The following PLEKHG6 variants were observed in gnomAD, a reference collection of about 807,000 sequenced individuals.
PLEKHG6 encodes pleckstrin homology domain-containing family G member 6.
A neutral mutation model predicts 97.5 loss-of-function variants in PLEKHG6; 91 were observed. The observed-to-expected ratio is 0.93, with a 90% CI of 0.79 to 1.11. The LOEUF is 1.11. PLEKHG6 is among the 50% of genes most tolerant of loss of function. The pLI is 0.00. For synonymous variants in PLEKHG6, 466 were observed against 425.5 expected (o/e 1.10, Z -1.17); for missense variants, 1,044 against 1,031.0 (o/e 1.01, Z -0.17).
At chr12:6,313,883 A>G in intron 3 of PLEKHG6, 99 bp downstream of exon 3, 1 of 1,145,318 alleles carries the variant, frequency 8.7e-7, no homozygotes, top group South Asian at 1.6e-5. Context: ...ACACAGGTCC[A>G]GGAGGCTGCT....
In PLEKHG6 at chr12:6,315,164, C is replaced by T. The variant is rs1241379895; in HGVS notation, c.454C>T (p.His152Tyr). 1 of 1,610,356 alleles carries T rather than the reference C, an allele frequency of 6.2e-7. No individual in the cohort carries two copies. Among genetic ancestry groups the T allele is most frequent in the East Asian group, 2.2e-5 (1 of 44,858 alleles). Reference protein sequence around the residue: ...EKSWRELVPGHKEMSQELCHQ... With the variant: ...EKSWRELVPGYKEMSQELCHQ... ...GTCCTGGAGGGAGCTGGTGCCTGGGCACAAGGTGAGCCTGAAACTCACAAG... is the reference window on the plus strand; with the variant it reads ...GTCCTGGAGGGAGCTGGTGCCTGGGTACAAGGTGAGCCTGAAACTCACAAG... Residue 152 changes from histidine to tyrosine, a missense_variant, in exon 4 of 16, where the codon CAC (histidine) becomes TAC (tyrosine). Transcript: ENST00000684764. The surrounding 1 kb of genome is among the most constrained non-coding windows in gnomAD (Gnocchi z 4.5).
At chr12:6,312,111 A>T in intron 1 of PLEKHG6, 48 bp from the exon 2 acceptor site, 1 of 777,556 alleles carries the variant, frequency 1.3e-6, no homozygotes, top group South Asian at 2.5e-5. Flanking sequence ...GCCTGGTGCC[A>T]TTCACTGATT....
rs151135988 is a variant in PLEKHG6, at chr12:6,317,312, C to T, written c.766C>T (p.Arg256Trp). The T allele has an allele frequency of 5.2e-4, 840 of 1,612,362 alleles. No homozygotes were observed. The highest frequency in any genetic ancestry group is 6.4e-4 in the Non-Finnish European group (760 of 1,178,494). The part of the protein sequence containing the change: ...LQSGFLTFGQ[R>W]FHPYVQYCLR... ...GTATCTGTCTCTCCAGTTTGGCCAG[C>T]GGTTCCACCCCTATGTCCAGTACTG... The change falls in exon 8 of 16, where the codon CGG becomes TGG. Residue 256 changes from arginine (R) to tryptophan (W), a missense_variant. Arg to Trp is a moderately radical substitution (Grantham distance 101). Coordinates refer to ENST00000684764, the MANE Select transcript of PLEKHG6 (RefSeq NM_001384598.1).
At chr12:6,318,267 G>T in intron 10 of PLEKHG6, 34 bp from the exon 11 acceptor site, 1 of 1,612,934 alleles carries the variant, frequency 6.2e-7, no homozygotes, top group Non-Finnish European at 8.5e-7. Context: ...GCAGACTGCC[G>T]AGCGCCCTGA....
intron 2 of PLEKHG6, 65 bp from the exon 3 acceptor site, chr12:6,313,564 A>G: frequency 6.3e-7 from 1 of 1,578,314 alleles, no homozygotes; most frequent in East Asian, 2.2e-5. Context: ...CTGCCCCCCT[A>G]CTACCTCTCT....
Position 6,314,899 on chromosome 12 carries a change from C to T in PLEKHG6, c.295-106C>T, listed in dbSNP as rs544478169. The T allele has an allele frequency of 6.7e-6, 7 of 1,042,756 alleles. No individual in the cohort carries two copies. In the East Asian group the frequency reaches 1.7e-4, roughly 25 times the overall value. The allele number at this position is 1,042,756 out of a possible 1,614,324, so 64.6% of individuals were successfully genotyped here. A position where few individuals can be genotyped will look rare whatever the true frequency, so the allele number is the denominator to read the frequency against. On this transcript the variant is annotated intron_variant, in intron 3 of 15. Transcript: ENST00000684764. ...CCATCTCCCATTCCAGACACAGACA[C>T]ACGCACACACTTTAACACACATGCA...
At chr12:6,311,892 G>A (rs1947281625) in intron 1 of PLEKHG6, among the ~76,000 whole-genome samples, 2 of 152,250 alleles carry the variant, frequency 1.3e-5, no homozygotes, top group South Asian at 4.1e-4. Flanking sequence ...TGAGACCAGT[G>A]CAGGAGCTTG....
At position 6,317,667 on chromosome 12, in the gene PLEKHG6, G is replaced by A. The variant is rs1224712132; in HGVS notation, c.988G>A (p.Ala330Thr). ...TGCTGTGCTCAAGAGGAGCCCCGAG[G>A]CACGAGCCCAAGAGGCCCTGAATGC... ...LHAVLKRSPE[A>T]RAQEALNAMI... Residue 330 changes from alanine (A) to threonine (T), a missense_variant, in exon 9 of 16, where the codon GCA (alanine) becomes ACA (threonine). Transcript: ENST00000684764. The A allele has an allele frequency of 1.2e-6, 2 of 1,613,870 alleles. No individual in the cohort carries two copies. The highest frequency in any genetic ancestry group is 1.7e-6 in the Non-Finnish European group (2 of 1,180,028).
chr12:6,327,362 G>T lies in PLEKHG6; in HGVS notation c.1779G>T (p.Leu593Phe), dbSNP rs1947895253. 6.2e-7 allele frequency: 1 copy of T among 1,614,030 alleles called. No individual in the cohort carries two copies. The highest frequency in any genetic ancestry group is 1.7e-5 in the Admixed American group (1 of 59,996). The change falls in exon 15 of 16, where the codon TTG becomes TTT. Residue 593 changes from leucine to phenylalanine, a missense_variant. Transcript: ENST00000684764. ...DDTSDSGYGTLIPGTPTGSRS... is the reference protein window; with the variant it reads ...DDTSDSGYGTFIPGTPTGSRS... ...CCTCAGACTCTGGCTACGGCACTTTGATCCCAGGCACCCCCACGGGGTCCC... is the reference window on the plus strand; with the variant it reads ...CCTCAGACTCTGGCTACGGCACTTTTATCCCAGGCACCCCCACGGGGTCCC...
At chr12:6,313,277 C>T (rs1305922762) in intron 2 of PLEKHG6, 4 of 1,192,656 alleles carry the variant, frequency 3.4e-6, no homozygotes, top group Non-Finnish European at 4.9e-6. Context: ...CACGCCTTGT[C>T]CATGCACCCC....
rs777957354 is a variant in PLEKHG6, at chr12:6,317,695, T to C, written c.1016T>C (p.Met339Thr). 1 of 1,613,162 alleles carries C rather than the reference T, an allele frequency of 6.2e-7. No individual in the cohort carries two copies. Among genetic ancestry groups the C allele is most frequent in the Non-Finnish European group, 8.5e-7 (1 of 1,179,898 alleles). Residue 339 changes from methionine (M) to threonine (T), a missense_variant and splice_region_variant, in exon 9 of 16, where the codon ATG becomes ACG. Transcript: ENST00000684764. ...EARAQEALNA[M>T]IEAVESFLRH... ...CGAGCCCAAGAGGCCCTGAATGCCATGGTAGGTGCCCCAGTGGGGCTGGGA... is the reference window on the plus strand; with the variant it reads ...CGAGCCCAAGAGGCCCTGAATGCCACGGTAGGTGCCCCAGTGGGGCTGGGA...
At chr12:6,313,820 CG>C (rs746248820) in intron 3 of PLEKHG6, 36 bp downstream of exon 3, 40 of 1,523,052 alleles carry the variant, frequency 2.6e-5, no homozygotes, top group Non-Finnish European at 3.4e-5. Context: ...CCCACACATA[CG>C]GCCCCAATTG....
At chr12:6,318,223 A>G in intron 10 of PLEKHG6, 78 bp from the exon 11 acceptor site, 1 of 1,600,148 alleles carries the variant, frequency 6.2e-7, no homozygotes, top group Non-Finnish European at 8.5e-7. Context: ...TGTTGGTGGC[A>G]GAACCAGGAG....
intron 13 of PLEKHG6, among the ~76,000 whole-genome samples, chr12:6,320,975 T>G (rs1177030288): frequency 6.6e-6 from 1 of 152,082 alleles, no homozygotes. Context: ...GTGGCCTGGA[T>G]GCGCTTGAGT....
chr12:6,327,939 T>C lies in PLEKHG6; in HGVS notation c.2356T>C (p.Ser786Pro). 1 of 1,491,452 alleles carries C rather than the reference T, an allele frequency of 6.7e-7. No homozygotes were observed. Among genetic ancestry groups the C allele is most frequent in the Non-Finnish European group, 8.9e-7 (1 of 1,120,136 alleles). The allele number at this position is 1,491,452 out of a possible 1,614,324, so 92.4% of individuals were successfully genotyped here. The change falls in exon 15 of 16, where the codon TCC becomes CCC. Residue 786 changes from serine to proline, a missense_variant. Physicochemically the swap from Ser to Pro is moderately conservative, Grantham distance 74 (BLOSUM62 -1). Coordinates refer to ENST00000684764, the MANE Select transcript of PLEKHG6 (RefSeq NM_001384598.1). The stretch of plus-strand genomic sequence containing the variant: ...CATCATTCAGCTGGACACCCCTCTG[T>C]CCGCATCGTAAGTGCTGGAGGGAAG... ...PHIIQLDTPL[S>P]ASEV
chr12:6,317,919 A>G lies in PLEKHG6; in HGVS notation c.1080A>G (p.Gln360=). 1 of 1,567,712 alleles carries G rather than the reference A, an allele frequency of 6.4e-7. No individual in the cohort carries two copies. The highest frequency in any genetic ancestry group is 1.2e-5 in the South Asian group (1 of 85,318). ...INGQVRQGEE[Q]ESLAAAAQRI... Reference sequence around the variant, plus strand: ...GGCAGGTCCGCCAGGGCGAAGAGCAAGAGAGCTTGGCGGCTGCAGCACAAC... The same window carrying G: ...GGCAGGTCCGCCAGGGCGAAGAGCAGGAGAGCTTGGCGGCTGCAGCACAAC... Residue 360 remains glutamine (Q), a synonymous_variant, in exon 10 of 16, where the codon CAA becomes CAG. Transcript: ENST00000684764.
intron 2 of PLEKHG6, 37 bp downstream of exon 2, chr12:6,312,401 G>A (rs1947302886): frequency 1.3e-6 from 2 of 1,553,516 alleles, no homozygotes; most frequent in Non-Finnish European, 1.7e-6. Context: ...GACCTGGTGG[G>A]GCAGGAGGGA....
rs1258520218 is a variant in PLEKHG6 at position 6,318,728 on chromosome 12, T to G, written c.1276-17T>G. ...TCCAGCTGACCCTGTCTCTTTCCCC[T>G]ACGCCCCCACCCCCAGCTGGACGTG... On this transcript the variant is annotated splice_polypyrimidine_tract_variant and intron_variant, in intron 11 of 15. Coordinates refer to ENST00000684764, the MANE Select transcript of PLEKHG6 (RefSeq NM_001384598.1). 2 of 1,611,194 alleles carry G rather than the reference T, an allele frequency of 1.2e-6. No homozygotes were observed. Among genetic ancestry groups the G allele is most frequent in the Non-Finnish European group, 1.7e-6 (2 of 1,177,722 alleles).
chr12:6,313,550 A>G (rs1947346026), intron 2 of PLEKHG6, 79 bp from the exon 3 acceptor site: 1 of 1,532,230 alleles, frequency 6.5e-7, no homozygotes, highest in African/African-American at 1.4e-5. Context: ...ATCTAGAGCC[A>G]AGCCTGCCCC....
Sources: allele counts gnomAD v4.1 joint callset (sites outside exome capture counted in the v4.1 genomes callset), GRCh38; gene constraint gnomAD v4.1.1; non-coding constraint Gnocchi (gnomAD v3.1); transcripts MANE v1.5; gene names NCBI Gene and HGNC (gene_info 2026-07-23, HGNC 2026-07-21).